The following SGCD variants were observed in gnomAD, a reference collection of about 807,000 sequenced individuals.
SGCD encodes the protein delta-sarcoglycan.
In SGCD, 18 loss-of-function variants were observed where a neutral mutation model predicts 36.6. That is an observed-to-expected ratio of 0.49 (90% confidence interval 0.34 to 0.73). The LOEUF is 0.73. Among genes scored for constraint, SGCD ranks in the 30% least tolerant of loss-of-function variants. The pLI is 0.01. For synonymous variants in SGCD, 133 were observed against 130.6 expected (o/e 1.02, Z -0.12); for missense variants, 387 against 346.7 (o/e 1.12, Z -0.92).
the SGCD span, among the ~76,000 whole-genome samples, chr5:155,846,849 A>G: frequency 6.6e-6 from 1 of 151,978 alleles, no homozygotes; most frequent in African/African-American, 2.4e-5. Context: ...CCTGACTCTT[A>G]TTTTCTGCTT....
chr5:156,299,510 A>G (rs1318673449), intron 3 of SGCD, among the ~76,000 whole-genome samples: 2 of 151,982 alleles, frequency 1.3e-5, no homozygotes, highest in African/African-American at 4.8e-5. Flanking sequence ...TTGAATGTCT[A>G]GATTGTTTTG....
At chr5:156,390,804 A>G (rs1287938530) in intron 3 of SGCD, among the ~76,000 whole-genome samples, 2 of 152,230 alleles carry the variant, frequency 1.3e-5, no homozygotes, top group African/African-American at 4.8e-5. Context: ...ATAAAGAAAG[A>G]AAATATTTGT....
chr5:155,931,549 G>T (rs1346679071), intron 1 of SGCD, among the ~76,000 whole-genome samples: 3 of 152,002 alleles, frequency 2.0e-5, no homozygotes, highest in African/African-American at 7.2e-5. Flanking sequence ...TTTTTTAAGT[G>T]CTTGGGGGCT....
At chr5:156,498,279 C>T (rs59849078) in intron 3 of SGCD, among the ~76,000 whole-genome samples, 2 of 116,892 alleles carry the variant, frequency 1.7e-5, no homozygotes, top group Non-Finnish European at 1.9e-5. Flanking sequence ...AAAAAAAAAA[C>T]ACCTCGTTAG....
chr5:156,557,204 G>A (rs747726663), intron 4 of SGCD, among the ~76,000 whole-genome samples: 6 of 152,092 alleles, frequency 3.9e-5, no homozygotes, highest in Non-Finnish European at 7.4e-5. Context: ...GCCTGCAACC[G>A]GCATAGTTAC....
chr5:156,249,717 TAA>T (rs5872456), intron 3 of SGCD, among the ~76,000 whole-genome samples: 7 of 144,232 alleles, frequency 4.9e-5, no homozygotes, highest in Non-Finnish European at 7.6e-5. Flanking sequence ...AAGGTTATTG[TAA>T]AAAAAAAAAA....
chr5:156,194,933 G>T (rs1290481753), intron 3 of SGCD, among the ~76,000 whole-genome samples: 1 of 152,126 alleles, frequency 6.6e-6, no homozygotes, highest in Non-Finnish European at 1.5e-5. Flanking sequence ...GTATAATAAG[G>T]CTCAGTCAAT....
chr5:156,244,257 G>A (rs1765383858), intron 3 of SGCD, among the ~76,000 whole-genome samples: 1 of 152,114 alleles, frequency 6.6e-6, no homozygotes, highest in Non-Finnish European at 1.5e-5. Context: ...GACCCTGATA[G>A]TCAAGAAAAA....
chr5:156,269,597 C>G (rs1181094245), intron 3 of SGCD, among the ~76,000 whole-genome samples: 2 of 151,364 alleles, frequency 1.3e-5, no homozygotes, highest in East Asian at 3.9e-4. Flanking sequence ...CCCACTGGGT[C>G]CCTCCCACAA....
At chr5:156,137,819 T>G (rs1762494577) in intron 3 of SGCD, among the ~76,000 whole-genome samples, 1 of 152,172 alleles carries the variant, frequency 6.6e-6, no homozygotes, top group African/African-American at 2.4e-5. Flanking sequence ...CACCTAACCC[T>G]CATGCAAGAT....
At chr5:156,732,788 A>G (rs1756146731) in intron 7 of SGCD, among the ~76,000 whole-genome samples, 1 of 152,136 alleles carries the variant, frequency 6.6e-6, no homozygotes, top group South Asian at 2.1e-4. Context: ...TGGTCTATTC[A>G]GGGAGTCAGT....
chr5:156,621,879 A>C (rs1397747799), intron 6 of SGCD, among the ~76,000 whole-genome samples: 3 of 152,184 alleles, frequency 2.0e-5, no homozygotes, highest in Non-Finnish European at 4.4e-5. Flanking sequence ...GTGTGTCTTG[A>C]GTCTCAGGAC....
intron 1 of SGCD, among the ~76,000 whole-genome samples, chr5:155,929,882 C>T (rs1187779122): frequency 1.3e-5 from 2 of 152,122 alleles, no homozygotes; most frequent in African/African-American, 2.4e-5. Flanking sequence ...GCACTTTCTA[C>T]TTATCTTGTT....
chr5:155,739,385 G>T, the SGCD span, among the ~76,000 whole-genome samples: 5 of 152,218 alleles, frequency 3.3e-5, no homozygotes, highest in Non-Finnish European at 4.4e-5. Flanking sequence ...CAGTGGGGCT[G>T]AAAGCAGAGG....
rs1581096238 is a variant in SGCD, at chr5:156,508,797, G to A, written c.294+95G>A. 3 of 695,506 alleles carry A rather than the reference G, an allele frequency of 4.3e-6. No homozygotes were observed. In the Admixed American group the frequency reaches 8.4e-5, roughly 20 times the overall value. The allele number at this position is 695,506 out of a possible 1,614,324, so 43.1% of individuals were successfully genotyped here. A position where few individuals can be genotyped will look rare whatever the true frequency, so the allele number is the denominator to read the frequency against. ...CTATCAGCTGAGTACAGAGAATTGG[G>A]GTGGGGAGTAATACTGGTATTAAGA... On this transcript the variant is annotated intron_variant, in intron 4 of 8. Coordinates refer to ENST00000337851, the MANE Select transcript of SGCD (RefSeq NM_000337.6).
At chr5:156,188,647 G>A (rs527677586) in intron 3 of SGCD, among the ~76,000 whole-genome samples, 5 of 146,748 alleles carry the variant, frequency 3.4e-5, no homozygotes, top group Admixed American at 2.1e-4. Context: ...AAGCCTCAGT[G>A]TCTCTCTGAC....
chr5:155,865,890 C>A (rs1041450996), upstream of SGCD, among the ~76,000 whole-genome samples: 1 of 152,188 alleles, frequency 6.6e-6, no homozygotes, highest in Non-Finnish European at 1.5e-5. Context: ...CAGTTGCTAT[C>A]ATTGAAATGA....
chr5:156,187,331 A>T (rs1294778019), intron 3 of SGCD, among the ~76,000 whole-genome samples: 2 of 152,010 alleles, frequency 1.3e-5, no homozygotes, highest in Non-Finnish European at 2.9e-5. Context: ...AGGTTTTTTG[A>T]TGGAGGAGGG....
intron 1 of SGCD, among the ~76,000 whole-genome samples, chr5:155,998,327 CTG>C (rs1758597494): frequency 6.6e-6 from 1 of 152,036 alleles, no homozygotes; most frequent in Admixed American, 6.6e-5. Context: ...TACCTGTAGT[CTG>C]TGTTGAAAAA....
Sources: allele counts gnomAD v4.1 joint callset (sites outside exome capture counted in the v4.1 genomes callset), GRCh38; gene constraint gnomAD v4.1.1; transcripts MANE v1.5; gene names NCBI Gene and HGNC (gene_info 2026-07-23, HGNC 2026-07-21).